Variants in KCNA3 observed in about 807,000 individuals in gnomAD.
KCNA3 encodes the protein potassium voltage-gated channel subfamily A member 3, also known as RP11-284N8.3.
A neutral mutation model predicts 34.3 loss-of-function variants in KCNA3; 18 were observed. The ratio of observed to expected loss-of-function variants is 0.52; its 90% CI spans 0.36 to 0.78. The LOEUF is 0.78. Ranked by LOEUF, KCNA3 falls within the 30% of genes least tolerant of loss-of-function variation. The probability of loss-of-function intolerance (pLI) is 0.00; values close to 1 mark genes in which losing one functional copy is unlikely to be tolerated. For missense variants in KCNA3, 587 were observed against 802.5 expected (o/e 0.73, Z 3.24); for synonymous variants, 324 against 351.7 (o/e 0.92, Z 0.88).
the KCNA3 span, among the ~76,000 whole-genome samples, chr1:110,667,291 A>G: frequency 6.6e-6 from 1 of 152,248 alleles, no homozygotes; most frequent in African/African-American, 2.4e-5. Flanking sequence ...CATTCTAAAA[A>G]GTGGGTAGGG....
chr1:110,674,935 G>T lies in KCNA3; in HGVS notation c.-126C>A. On this transcript the variant is annotated 5_prime_UTR_variant, in exon 1 of 1. Transcript: ENST00000369769. This position sits in a 1 kb window ranked among gnomAD's most constrained non-coding sequence, Gnocchi z 6.4. Reference sequence around the variant, plus strand: ...CAGCCAAAGCCGCGATGCTCTGTCTGGGTCTGGCGCGGTCAGCCGGGCTCC... The same window carrying T: ...CAGCCAAAGCCGCGATGCTCTGTCTTGGTCTGGCGCGGTCAGCCGGGCTCC... The T allele has an allele frequency of 8.4e-7, 1 of 1,190,354 alleles. No individual in the cohort carries two copies. The highest frequency in any genetic ancestry group is 1.1e-6 in the Non-Finnish European group (1 of 948,056). 73.7% of individuals were successfully genotyped at this position (1,190,354 alleles called of 1,614,324 possible).
Position 110,674,419 on chromosome 1 carries a change from C to T in KCNA3, c.391G>A (p.Gly131Ser), listed in dbSNP as rs780490235. 30 of 1,614,014 alleles carry T rather than the reference C, an allele frequency of 1.9e-5. No homozygotes were observed. Among genetic ancestry groups the T allele is most frequent in the Admixed American group, 5.0e-5 (3 of 60,010 alleles). The change falls in exon 1 of 1, where the codon GGC becomes AGC. Residue 131 changes from glycine to serine, a missense_variant. Gly to Ser is a moderately conservative substitution (Grantham distance 56, BLOSUM62 0). Transcript: ENST00000369769. This position sits in a 1 kb window ranked among gnomAD's most constrained non-coding sequence, Gnocchi z 6.4. ...TACCTCATGCGCCGCTTGGGGTCGCCCAGCAGCGTCTCGGGGAACTGGCAA... is the reference window on the plus strand; with the variant it reads ...TACCTCATGCGCCGCTTGGGGTCGCTCAGCAGCGTCTCGGGGAACTGGCAA... ...TLCQFPETLL[G>S]DPKRRMRYFD...
rs554666758 is a variant in KCNA3 at position 110,674,057 on chromosome 1, G to A, written c.753C>T (p.Phe251=). Residue 251 remains phenylalanine, a synonymous_variant, in exon 1 of 1, where the codon TTC becomes TTT. Transcript: ENST00000369769. This position sits in a 1 kb window ranked among gnomAD's most constrained non-coding sequence, Gnocchi z 6.4. ...VLVILISIVI[F]CLETLPEFRD... is the part of the protein sequence containing the mutation. ...GGAACTCCGGCAGCGTCTCCAGGCAGAAGATGACAATGGAGATGAGGATGA... is the reference window on the plus strand; with the variant it reads ...GGAACTCCGGCAGCGTCTCCAGGCAAAAGATGACAATGGAGATGAGGATGA... The A allele has an allele frequency of 1.9e-5, 31 of 1,608,554 alleles. No homozygotes were observed. The Admixed American group carries it at 2.3e-4, about 12-fold the overall frequency.
the KCNA3 span, among the ~76,000 whole-genome samples, chr1:110,661,579 T>C: frequency 2.7e-4 from 41 of 152,328 alleles, no homozygotes; most frequent in Non-Finnish European, 7.3e-5. Flanking sequence ...TCAATGCTAC[T>C]GCAGCTTTGC....
At chr1:110,659,618 G>T in the KCNA3 span, among the ~76,000 whole-genome samples, 773 of 152,106 alleles carry the variant, frequency 5.1e-3, 4 homozygotes, top group African/African-American at 0.016. Flanking sequence ...ATAATTTACT[G>T]GTATATTTAA....
the KCNA3 span, among the ~76,000 whole-genome samples, chr1:110,664,256 A>T: frequency 9.2e-5 from 14 of 152,164 alleles, no homozygotes; most frequent in African/African-American, 2.9e-4. Context: ...GATTAAAAGC[A>T]CTCTATCAGC....
chr1:110,673,754 G>T lies in KCNA3; in HGVS notation c.1056C>A (p.Gly352=). The change falls in exon 1 of 1, where the codon GGC becomes GGA. Residue 352 remains glycine, a synonymous_variant. Transcript: ENST00000369769. The surrounding 1 kb of genome is among the most constrained non-coding windows in gnomAD (Gnocchi z 8.8). ...TLGTELAERQ[G]NGQQAMSLAI... ...CCAGAGACATGGCCTGCTGTCCATT[G>T]CCCTGTCGTTCGGCCAGCTCGGTAC... 1.9e-6 allele frequency: 3 copies of T among 1,614,144 alleles called. No homozygotes were observed. The highest frequency in any genetic ancestry group is 2.2e-5 in the South Asian group (2 of 91,078).
chr1:110,663,414 T>C, the KCNA3 span, among the ~76,000 whole-genome samples: 19,151 of 152,158 alleles, frequency 0.13, 1,343 homozygotes, highest in South Asian at 0.17. Context: ...CTCAGGCACA[T>C]ATGTTAGTTT....
Position 110,674,761 on chromosome 1 carries a change from G to C in KCNA3, c.49C>G (p.Arg17Gly), listed in dbSNP as rs1248268465. The C allele has an allele frequency of 1.5e-6, 2 of 1,355,376 alleles. No individual in the cohort carries two copies. The highest frequency in any genetic ancestry group is 1.9e-6 in the Non-Finnish European group (2 of 1,062,054). 84.0% of individuals were successfully genotyped at this position (1,355,376 alleles called of 1,614,324 possible). A position where few individuals can be genotyped will look rare whatever the true frequency, so the allele number is the denominator to read the frequency against. The change falls in exon 1 of 1, where the codon CGC becomes GGC. Residue 17 changes from arginine to glycine, a missense_variant. Coordinates refer to ENST00000369769, the MANE Select transcript of KCNA3 (RefSeq NM_002232.5). This position sits in a 1 kb window ranked among gnomAD's most constrained non-coding sequence, Gnocchi z 6.4. ...CGCTGAGGAGGGTGGGCGCGGTGGC[G>C]GGCTGAGGGCGGCGGCGGCGAGCGC... ...LLRSPPPPSA[R>G]HRAHPPQRPA...
the KCNA3 span, among the ~76,000 whole-genome samples, chr1:110,659,371 G>A: frequency 6.6e-6 from 1 of 152,222 alleles, no homozygotes; most frequent in African/African-American, 2.4e-5. Context: ...ATTATGAAGC[G>A]AATCCTCCAA....
chr1:110,664,594 G>A, the KCNA3 span, among the ~76,000 whole-genome samples: 2 of 152,094 alleles, frequency 1.3e-5, no homozygotes, highest in African/African-American at 4.8e-5. Flanking sequence ...CCTCAAATTG[G>A]AAGGCAATTT....
In KCNA3 at chr1:110,674,037, T is replaced by G. The variant is rs773380278; in HGVS notation, c.773A>C (p.Glu258Ala). 1.2e-5 allele frequency: 20 copies of G among 1,607,348 alleles called. No individual in the cohort carries two copies. The highest frequency in any genetic ancestry group is 1.7e-5 in the Admixed American group (1 of 59,480). The change falls in exon 1 of 1, where the codon GAG becomes GCG. Residue 258 changes from glutamate to alanine, a missense_variant. Glu to Ala is a moderately radical substitution (Grantham distance 107). Transcript: ENST00000369769. The surrounding 1 kb of genome is among the most constrained non-coding windows in gnomAD (Gnocchi z 6.4). ...GGGGTAGTCCTTCTCGTCGCGGAAC[T>G]CCGGCAGCGTCTCCAGGCAGAAGAT... ...IVIFCLETLP[E>A]FRDEKDYPAS...
the KCNA3 span, among the ~76,000 whole-genome samples, chr1:110,665,081 T>C: frequency 3.3e-5 from 5 of 152,238 alleles, no homozygotes; most frequent in Non-Finnish European, 2.9e-5. Flanking sequence ...AGACAGGGCC[T>C]TGCAGGCCAT....
At chr1:110,671,511 T>C (rs1004691562), downstream of KCNA3, among the ~76,000 whole-genome samples, 3 of 152,242 alleles carry the variant, frequency 2.0e-5, no homozygotes, top group South Asian at 2.1e-4. Flanking sequence ...CCTTGGCATA[T>C]GGCTGAAACT....
the KCNA3 span, among the ~76,000 whole-genome samples, chr1:110,665,063 G>A: frequency 6.6e-6 from 1 of 152,216 alleles, no homozygotes; most frequent in Non-Finnish European, 1.5e-5. Flanking sequence ...GGTAAGGAGG[G>A]CAAAATGAGA....
the KCNA3 span, chr1:110,656,405 G>A: frequency 2.0e-5 from 3 of 151,988 alleles, no homozygotes; most frequent in African/African-American, 7.3e-5. Context: ...GTTCACTCAA[G>A]TAGAAATATG....
At chr1:110,662,940 G>A in the KCNA3 span, among the ~76,000 whole-genome samples, 2 of 152,156 alleles carry the variant, frequency 1.3e-5, no homozygotes, top group African/African-American at 4.8e-5. Flanking sequence ...AGTTATTTCT[G>A]TCTGTACTTT....
At chr1:110,672,447 A>G (rs1651923577), downstream of KCNA3, 1 of 149,366 alleles carries the variant, frequency 6.7e-6, no homozygotes, top group African/African-American at 2.5e-5. Flanking sequence ...AATTAAACTA[A>G]TTAGTCAGAT....
chr1:110,665,374 A>C, the KCNA3 span, among the ~76,000 whole-genome samples: 7 of 152,206 alleles, frequency 4.6e-5, no homozygotes, highest in Non-Finnish European at 1.0e-4. Flanking sequence ...ACAGTGGACT[A>C]AATAAGGGGT....
Sources: allele counts gnomAD v4.1 joint callset (sites outside exome capture counted in the v4.1 genomes callset), GRCh38; gene constraint gnomAD v4.1.1; non-coding constraint Gnocchi (gnomAD v3.1); transcripts MANE v1.5; gene names NCBI Gene and HGNC (gene_info 2026-07-23, HGNC 2026-07-21).